NRG2: variants seen among roughly 807,000 people sequenced by gnomAD.
The protein encoded by NRG2 is pro-neuregulin-2, membrane-bound isoform.
Under a neutral mutation model 73.9 loss-of-function variants are expected in NRG2, and 27 were observed. That is an observed-to-expected ratio of 0.37 (90% CI 0.27 to 0.50). NRG2 has a LOEUF of 0.50. Ranked by LOEUF, NRG2 falls within the 20% of genes least tolerant of loss-of-function variation. The pLI, the probability that NRG2 is intolerant of heterozygous loss-of-function variation, is 0.96. For missense variants in NRG2, 1,126 were observed against 1,210.1 expected (o/e 0.93, Z 1.03); for synonymous variants, 532 against 541.0 (o/e 0.98, Z 0.23).
chr5:139,921,104 A>G (rs1162725462), intron 1 of NRG2, among the ~76,000 whole-genome samples: 2 of 152,256 alleles, frequency 1.3e-5, no homozygotes, highest in East Asian at 3.8e-4. Context: ...CAAAGAACTA[A>G]GTAAATGGAG....
chr5:139,859,831 G>A (rs1315058928), intron 5 of NRG2: 11 of 1,564,906 alleles, frequency 7.0e-6, no homozygotes, highest in East Asian at 2.2e-5. Flanking sequence ...ACATGGCATC[G>A]GAGGCTGTGG....
chr5:139,902,698 T>C (rs1233798113), intron 1 of NRG2, among the ~76,000 whole-genome samples: 1 of 151,910 alleles, frequency 6.6e-6, no homozygotes, highest in African/African-American at 2.4e-5. Context: ...AGGTAGGATG[T>C]GTATGTAGGG....
Position 139,855,768 on chromosome 5 carries a change from C to A in NRG2, c.1200G>T (p.Glu400Asp). Residue 400 changes from glutamate (E) to aspartate (D), a missense_variant, in exon 6 of 10, where the codon GAG (glutamate) becomes GAT (aspartate). This residue lies in a region of NRG2 where 539 missense variants were observed against 703.2 expected (regional missense o/e 0.77). Transcript: ENST00000361474. The stretch of plus-strand genomic sequence containing the variant: ...TGGTCAGGACCCTCTTCTGGTACAG[C>A]TCCTCGGCTTCTGCAGAGGTAGGGT... ...YMPDPKQKAE[E>D]LYQKRVLTIT... 1 of 1,613,906 alleles carries A rather than the reference C, an allele frequency of 6.2e-7. No individual in the cohort carries two copies. Among genetic ancestry groups the A allele is most frequent in the Non-Finnish European group, 8.5e-7 (1 of 1,179,838 alleles).
Position 139,868,717 on chromosome 5 carries a change from G to A in NRG2, c.1112+3004C>T, listed in dbSNP as rs1189241843. Among the ~76,000 whole-genome samples, 1 of 152,068 alleles carries A rather than the reference G, an allele frequency of 6.6e-6. No individual in the cohort carries two copies. The highest frequency in any genetic ancestry group is 1.5e-5 in the Non-Finnish European group (1 of 67,990). On this transcript the variant is annotated intron_variant, in intron 4 of 9. Transcript: ENST00000361474. The surrounding 1 kb of genome is among the most constrained non-coding windows in gnomAD (Gnocchi z 4.2). The stretch of plus-strand genomic sequence containing the variant: ...AATGCCATGTGTGCTGCCCTCACCC[G>A]GGGGAGGGGGTGGATGAAGGATGGC...
At chr5:140,030,461 G>A (rs1016793251) in intron 1 of NRG2, among the ~76,000 whole-genome samples, 3 of 152,146 alleles carry the variant, frequency 2.0e-5, no homozygotes, top group Non-Finnish European at 2.9e-5. Context: ...CAGGAGAAGC[G>A]CAAAGCCCAC....
chr5:139,947,830 A>G (rs1580795088), intron 1 of NRG2, among the ~76,000 whole-genome samples: 1 of 152,270 alleles, frequency 6.6e-6, no homozygotes, highest in Non-Finnish European at 1.5e-5. Flanking sequence ...TCACATGCTT[A>G]TTGGCCATTT....
At chr5:139,998,301 T>G (rs1353881629) in intron 1 of NRG2, among the ~76,000 whole-genome samples, 5 of 152,306 alleles carry the variant, frequency 3.3e-5, no homozygotes, top group African/African-American at 1.2e-4. Context: ...CAGAATATTG[T>G]TCTGAACAAA....
chr5:139,949,144 T>C (rs1365355917), intron 1 of NRG2, among the ~76,000 whole-genome samples: 1 of 152,166 alleles, frequency 6.6e-6, no homozygotes, highest in Non-Finnish European at 1.5e-5. Flanking sequence ...CCTCTCTCCC[T>C]TTAAGGGAGA....
intron 1 of NRG2, among the ~76,000 whole-genome samples, chr5:139,957,307 CTGTGTGTG>C (rs70988722): frequency 0.1 from 14,959 of 143,714 alleles, 962 homozygotes; most frequent in East Asian, 0.34. Context: ...TCAAGAATCT[CTGTGTGTG>C]TGTGTGTGTG....
At chr5:140,000,402 A>T (rs1321935555) in intron 1 of NRG2, among the ~76,000 whole-genome samples, 1 of 152,212 alleles carries the variant, frequency 6.6e-6, no homozygotes, top group African/African-American at 2.4e-5. Context: ...ATGGAGGACC[A>T]GGCTTAGCAC....
At chr5:139,933,869 T>C (rs1188979325) in intron 1 of NRG2, among the ~76,000 whole-genome samples, 2 of 152,232 alleles carry the variant, frequency 1.3e-5, no homozygotes, top group Non-Finnish European at 2.9e-5. Context: ...TTTTAAGAGA[T>C]ACGTTTTTTG....
chr5:139,995,457 G>C (rs189095275), intron 1 of NRG2, among the ~76,000 whole-genome samples: 19 of 152,306 alleles, frequency 1.2e-4, no homozygotes, highest in African/African-American at 4.3e-4. Flanking sequence ...GGGCAGTTCA[G>C]CCCCAGATGC....
chr5:139,878,183 G>A (rs1763302347), intron 3 of NRG2, among the ~76,000 whole-genome samples: 2 of 152,216 alleles, frequency 1.3e-5, no homozygotes, highest in African/African-American at 4.8e-5. Flanking sequence ...ACCCCTTCGG[G>A]GAAGTGCTTT....
Position 139,852,391 on chromosome 5 carries a change from ATG to A in NRG2, c.1544+39_1544+40del. On this transcript the variant is annotated intron_variant, in intron 8 of 9. Coordinates refer to ENST00000361474, the MANE Select transcript of NRG2 (RefSeq NM_004883.3). This position sits in a 1 kb window ranked among gnomAD's most constrained non-coding sequence, Gnocchi z 4.4. Reference sequence around the variant, plus strand: ...GTGGGCACTTTGCGCCAGATGAAGTATGTGAGTCTACAAGTTTCCATGGGCCT... The same window carrying A: ...GTGGGCACTTTGCGCCAGATGAAGTATGAGTCTACAAGTTTCCATGGGCCT... 6.2e-7 allele frequency: 1 copy of A among 1,602,476 alleles called. No homozygotes were observed. Among genetic ancestry groups the A allele is most frequent in the Admixed American group, 1.7e-5 (1 of 58,660 alleles).
intron 1 of NRG2, among the ~76,000 whole-genome samples, chr5:140,010,157 G>A (rs746637897): frequency 4.6e-5 from 7 of 152,112 alleles, no homozygotes; most frequent in African/African-American, 7.2e-5. Context: ...AATTAGATGG[G>A]CATGGTGGCA....
At chr5:139,953,016 A>G (rs1290512136) in intron 1 of NRG2, among the ~76,000 whole-genome samples, 1 of 152,160 alleles carries the variant, frequency 6.6e-6, no homozygotes, top group Non-Finnish European at 1.5e-5. Flanking sequence ...ACTATCAACA[A>G]CATTGCCATA....
At chr5:140,015,537 AG>A (rs1197372722) in intron 1 of NRG2, among the ~76,000 whole-genome samples, 1 of 152,238 alleles carries the variant, frequency 6.6e-6, no homozygotes, top group Non-Finnish European at 1.5e-5. Context: ...GTTAATTAAA[AG>A]AAAAAAACCT....
chr5:139,888,923 A>T (rs1764041932), intron 1 of NRG2, among the ~76,000 whole-genome samples: 1 of 152,240 alleles, frequency 6.6e-6, no homozygotes, highest in Non-Finnish European at 1.5e-5. Context: ...GATAATAATA[A>T]CAATAATAGC....
At chr5:140,020,685 C>G (rs1475707198) in intron 1 of NRG2, among the ~76,000 whole-genome samples, 1 of 152,188 alleles carries the variant, frequency 6.6e-6, no homozygotes, top group Non-Finnish European at 1.5e-5. Context: ...GCAGCAAAAG[C>G]ACCACTGCAT....
Sources: gnomAD v4.1 joint callset for allele counts (sites outside exome capture counted in the v4.1 genomes callset) on GRCh38, gnomAD v4.1.1 for gene constraint, gnomAD v4.1.1 regional missense constraint, Gnocchi (gnomAD v3.1) non-coding constraint, MANE v1.5 for transcripts, NCBI Gene and HGNC (gene_info 2026-07-23, HGNC 2026-07-21) for gene names.